DTNA: variants seen among roughly 807,000 people sequenced by gnomAD.
The protein encoded by DTNA is dystrobrevin alpha.
A neutral mutation model predicts 100.7 loss-of-function variants in DTNA; 43 were observed. That is an observed-to-expected ratio of 0.43 (90% CI 0.33 to 0.55). DTNA has a LOEUF of 0.55. Among genes scored for constraint, DTNA ranks in the 20% least tolerant of loss-of-function variants. DTNA has a pLI of 0.04. For missense variants in DTNA, 798 were observed against 953.9 expected, an observed-to-expected ratio of 0.84 and a Z score of 2.15; for synonymous variants, 349 against 347.9, an observed-to-expected ratio of 1.00 and a Z score of -0.04.
intron 1 of DTNA, 136 bp from the exon 2 acceptor site, chr18:34,755,840 A>G: frequency 1.3e-6 from 1 of 759,100 alleles, no homozygotes; most frequent in South Asian, 1.6e-5. Flanking sequence ...CTAAAGCTGT[A>G]CTTTTTAAAA....
chr18:34,676,549 A>G (rs2077420059), intron 1 of DTNA, among the ~76,000 whole-genome samples: 1 of 152,176 alleles, frequency 6.6e-6, no homozygotes, highest in Non-Finnish European at 1.5e-5. Context: ...TAAAGAGAGA[A>G]GGGGCCAGGC....
Position 34,890,412 on chromosome 18 carries a change from T to C in DTNA, c.*2678T>C. 6.5e-7 allele frequency: 1 copy of C among 1,536,158 alleles called. No homozygotes were observed. Among genetic ancestry groups the C allele is most frequent in the Non-Finnish European group, 8.7e-7 (1 of 1,146,904 alleles). The stretch of plus-strand genomic sequence containing the variant: ...TTTGGTGGGTTTCTTTCCTTGGCTC[T>C]CCAGATTTACTTTTGGGGCCTGTTC... On this transcript the variant is annotated 3_prime_UTR_variant, in exon 23 of 23. Coordinates refer to ENST00000444659, the MANE Select transcript of DTNA (RefSeq NM_001386795.1).
At chr18:34,853,938 G>C (rs1030764498) in intron 15 of DTNA, among the ~76,000 whole-genome samples, 1 of 152,162 alleles carries the variant, frequency 6.6e-6, no homozygotes, top group African/African-American at 2.4e-5. Flanking sequence ...ATGAGCAAAG[G>C]CACTTTAAAA....
intron 7 of DTNA, among the ~76,000 whole-genome samples, chr18:34,816,628 G>GAGC (rs984833909): frequency 5.9e-5 from 9 of 152,226 alleles, no homozygotes; most frequent in Admixed American, 4.6e-4. Context: ...ATTAAACATG[G>GAGC]AGCAGTTCAG....
intron 17 of DTNA, among the ~76,000 whole-genome samples, chr18:34,865,643 A>C (rs953813322): frequency 2.0e-5 from 3 of 152,222 alleles, no homozygotes; most frequent in Non-Finnish European, 4.4e-5. Flanking sequence ...TTGATAACCA[A>C]AAATAAACTC....
chr18:34,885,472 G>C (rs957081348), intron 22 of DTNA, among the ~76,000 whole-genome samples: 7 of 152,200 alleles, frequency 4.6e-5, no homozygotes, highest in African/African-American at 1.7e-4. Flanking sequence ...TCACTTGACT[G>C]TAGTGGTCTG....
intron 16 of DTNA, among the ~76,000 whole-genome samples, chr18:34,860,227 T>TG (rs1603275055): frequency 1.5e-5 from 2 of 130,782 alleles, no homozygotes; most frequent in Non-Finnish European, 3.2e-5. Context: ...TTTGTTTTTT[T>TG]TTTTTTTTTT....
In DTNA at chr18:34,887,916, A is replaced by C; in HGVS notation, c.*182A>C. The C allele has an allele frequency of 3.0e-6, 3 of 986,356 alleles. No individual in the cohort carries two copies. Among genetic ancestry groups the C allele is most frequent in the Non-Finnish European group, 3.6e-6 (3 of 830,074 alleles). 61.1% of individuals were successfully genotyped at this position (986,356 alleles called of 1,614,324 possible). A position where few individuals can be genotyped will look rare whatever the true frequency, so the allele number is the denominator to read the frequency against. ...ACCCAGCAGCTCCTGACAGACCCCC[A>C]CCCCTAAAGATGTGTCCTGATGACT... On this transcript the variant is annotated 3_prime_UTR_variant, in exon 23 of 23. Coordinates refer to ENST00000444659, the MANE Select transcript of DTNA (RefSeq NM_001386795.1).
chr18:34,655,514 G>T (rs996588902), intron 1 of DTNA, among the ~76,000 whole-genome samples: 1 of 152,128 alleles, frequency 6.6e-6, no homozygotes, highest in East Asian at 1.9e-4. Flanking sequence ...AAATGAAAAA[G>T]AAAAGTTCTC....
intron 3 of DTNA, among the ~76,000 whole-genome samples, chr18:34,772,350 A>G (rs1463788810): frequency 6.6e-6 from 1 of 152,184 alleles, no homozygotes; most frequent in Non-Finnish European, 1.5e-5. Context: ...TGCTTTTTCT[A>G]TGTTACTGTC....
chr18:34,818,627 G>A, intron 8 of DTNA: 1 of 1,194,024 alleles, frequency 8.4e-7, no homozygotes. Context: ...GGACCTTCTG[G>A]AACATAATCT....
intron 1 of DTNA, among the ~76,000 whole-genome samples, chr18:34,754,978 T>A (rs970266153): frequency 6.6e-6 from 1 of 152,174 alleles, no homozygotes; most frequent in Non-Finnish European, 1.5e-5. Context: ...GAGTCCTAGA[T>A]TTGAGAAAGA....
At chr18:34,503,679 T>A (rs755115056) in intron 1 of DTNA, among the ~76,000 whole-genome samples, 4 of 152,202 alleles carry the variant, frequency 2.6e-5, no homozygotes, top group Non-Finnish European at 4.4e-5. Context: ...AATACAATAC[T>A]TTAGTGCTTA....
At chr18:34,843,212 A>C (rs2096304552) in intron 13 of DTNA, among the ~76,000 whole-genome samples, 1 of 152,198 alleles carries the variant, frequency 6.6e-6, no homozygotes, top group African/African-American at 2.4e-5. Context: ...AGTATAAAAT[A>C]GATGAAAAAT....
At chr18:34,684,484 T>C (rs1199954737) in intron 1 of DTNA, among the ~76,000 whole-genome samples, 3 of 152,172 alleles carry the variant, frequency 2.0e-5, no homozygotes, top group Non-Finnish European at 1.5e-5. Flanking sequence ...GAACTCGTTC[T>C]TTTTTTGGCT....
At chr18:34,816,452 T>C (rs1207770096) in intron 7 of DTNA, among the ~76,000 whole-genome samples, 1 of 152,230 alleles carries the variant, frequency 6.6e-6, no homozygotes, top group Non-Finnish European at 1.5e-5. Context: ...TAGTCATATG[T>C]TCCAGATTGT....
intron 9 of DTNA, among the ~76,000 whole-genome samples, chr18:34,821,993 T>A (rs897193927): frequency 2.0e-5 from 3 of 152,152 alleles, no homozygotes; most frequent in Non-Finnish European, 4.4e-5. Flanking sequence ...TATAAATACT[T>A]TGGGGCTTTG....
intron 1 of DTNA, among the ~76,000 whole-genome samples, chr18:34,657,731 G>A (rs2074598868): frequency 6.6e-6 from 1 of 152,142 alleles, no homozygotes; most frequent in African/African-American, 2.4e-5. Context: ...CCAAATTTCA[G>A]TTTCTGAATT....
chr18:34,596,280 T>C (rs556967097), intron 1 of DTNA, among the ~76,000 whole-genome samples: 7 of 152,260 alleles, frequency 4.6e-5, no homozygotes, highest in South Asian at 4.1e-4. Context: ...CATGACGCGA[T>C]TGATCTCCAC....
Sources: gnomAD v4.1 joint callset for allele counts (sites outside exome capture counted in the v4.1 genomes callset) on GRCh38, gnomAD v4.1.1 for gene constraint, MANE v1.5 for transcripts, NCBI Gene and HGNC (gene_info 2026-07-23, HGNC 2026-07-21) for gene names.